The following ARHGAP45 variants were observed in gnomAD, a reference collection of about 807,000 sequenced individuals.
ARHGAP45 encodes Rho GTPase activating protein 45.
Under a neutral mutation model 116.1 loss-of-function variants are expected in ARHGAP45, and 56 were observed. The ratio of observed to expected loss-of-function variants is 0.48; its 90% CI spans 0.39 to 0.60. ARHGAP45 has a LOEUF of 0.60. Among genes scored for constraint, ARHGAP45 ranks in the 20% least tolerant of loss-of-function variants. ARHGAP45 has a pLI of 0.00. For missense variants in ARHGAP45, 1,622 were observed against 1,601.0 expected, an observed-to-expected ratio of 1.01 and a Z score of -0.22; for synonymous variants, 866 against 701.7, an observed-to-expected ratio of 1.23 and a Z score of -3.70.
rs1568493690 is a variant in ARHGAP45, at chr19:1,086,014, T to C, written c.*8T>C. ...CAGCCGGAATTCGTGTGAGCTGGGG[T>C]GGGGCTGGGACCACAGGTGGCTTCT... On this transcript the variant is annotated 3_prime_UTR_variant, in exon 23 of 23. Coordinates refer to ENST00000313093, the MANE Select transcript of ARHGAP45 (RefSeq NM_012292.5). The C allele has an allele frequency of 1.2e-6, 2 of 1,607,492 alleles. No homozygotes were observed. Among genetic ancestry groups the C allele is most frequent in the East Asian group, 2.2e-5 (1 of 44,804 alleles).
chr19:1,074,152 G>T lies in ARHGAP45; in HGVS notation c.839G>T (p.Gly280Val). 1 of 1,613,408 alleles carries T rather than the reference G, an allele frequency of 6.2e-7. No homozygotes were observed. Among genetic ancestry groups the T allele is most frequent in the South Asian group, 1.1e-5 (1 of 91,086 alleles). The change falls in exon 7 of 23, where the codon GGG becomes GTG. Residue 280 changes from glycine to valine, a missense_variant. Physicochemically the swap from Gly to Val is moderately radical, Grantham distance 109 (BLOSUM62 -3). Transcript: ENST00000313093. ...EVDVLLQRCE[G>V]GVDAALLYAK... ...GACGTGCTGCTACAGCGCTGTGAGG[G>T]GGGCGTGGATGCCGCACTGCTGTAT...
chr19:1,067,552 C>T (rs2043061246), intron 1 of ARHGAP45, 57 bp downstream of exon 1: 1 of 1,459,970 alleles, frequency 6.8e-7, no homozygotes, highest in East Asian at 2.4e-5. Flanking sequence ...GGGACAGGGA[C>T]CCGCCCTGTG....
chr19:1,079,438 A>C (rs1033885159), intron 11 of ARHGAP45, among the ~76,000 whole-genome samples: 3 of 146,214 alleles, frequency 2.1e-5, no homozygotes, highest in Non-Finnish European at 3.0e-5. Context: ...CGGTAGGTGG[A>C]GGTTGCAGTG....
At position 1,086,376 on chromosome 19, in the gene ARHGAP45, C is replaced by CCCTCT. The variant is rs988145763; in HGVS notation, c.*375_*379dup. The CCCTCT allele has an allele frequency of 8.6e-6, 2 of 232,716 alleles. No individual in the cohort carries two copies. The highest frequency in any genetic ancestry group is 4.6e-5 in the African/African-American group (2 of 43,816). The allele number at this position is 232,716 out of a possible 1,614,324, so 14.4% of individuals were successfully genotyped here. The stretch of plus-strand genomic sequence containing the variant: ...GACGCAGGAGGCAGGCCCTGCCCTG[C>CCCTCT]CCTCTCCTCACAGGTCTGTTGCAGG... On this transcript the variant is annotated 3_prime_UTR_variant, in exon 23 of 23. Coordinates refer to ENST00000313093, the MANE Select transcript of ARHGAP45 (RefSeq NM_012292.5).
chr19:1,077,283 G>C (rs183636669), intron 10 of ARHGAP45: 1 of 985,320 alleles, frequency 1.0e-6, no homozygotes, highest in East Asian at 1.1e-4. Flanking sequence ...TCTGTGCAGA[G>C]CTTGGCTGCA....
At chr19:1,078,234 C>G (rs1305150048) in intron 11 of ARHGAP45, among the ~76,000 whole-genome samples, 189 bp downstream of exon 11, 1 of 151,646 alleles carries the variant, frequency 6.6e-6, no homozygotes, top group Non-Finnish European at 1.5e-5. Context: ...AGCTCCGCCT[C>G]CCGGGTTCAC....
intron 11 of ARHGAP45, among the ~76,000 whole-genome samples, chr19:1,078,384 C>CAG (rs1283222808): frequency 7.2e-5 from 11 of 152,030 alleles, no homozygotes; most frequent in South Asian, 4.2e-4. Context: ...ACCTCGTGAT[C>CAG]CGTCCACCTC....
In ARHGAP45 at chr19:1,068,957, CTTTAT is replaced by C. The variant is rs67003381; in HGVS notation, c.421+217_421+221del. 0.44 allele frequency among the ~76,000 whole-genome samples: 66,633 copies of C among 151,200 alleles called. 14,907 individuals carry two copies. Among genetic ancestry groups the C allele is most frequent in the East Asian group, 0.54 (2,751 of 5,098 alleles). On this transcript the variant is annotated intron_variant, in intron 2 of 22. Coordinates refer to ENST00000313093, the MANE Select transcript of ARHGAP45 (RefSeq NM_012292.5). This position sits in a 1 kb window ranked among gnomAD's most constrained non-coding sequence, Gnocchi z 7.5. ...GTACACTGGCTCAAGAGGGTGCCCA[CTTTAT>C]TTTTTTTAAAGGATCTGATGGCAAT... is the stretch of plus-strand genomic sequence containing the variant.
At chr19:1,066,154 C>T (rs1001502160), upstream of ARHGAP45, 7 of 1,535,398 alleles carry the variant, frequency 4.6e-6, no homozygotes, top group Non-Finnish European at 6.1e-6. Flanking sequence ...ATCTGCCCCT[C>T]CCACCCGAGG....
intron 21 of ARHGAP45, 69 bp downstream of exon 21, chr19:1,083,422 G>T (rs2043506099): frequency 1.9e-5 from 26 of 1,355,626 alleles, no homozygotes; most frequent in Non-Finnish European, 4.1e-6. Context: ...GCTGGGGACA[G>T]TCGTTGTCGG....
chr19:1,069,802 G>C lies in ARHGAP45; in HGVS notation c.421+1058G>C, dbSNP rs1036065759. Among the ~76,000 whole-genome samples, 1 of 149,114 alleles carries C rather than the reference G, an allele frequency of 6.7e-6. No homozygotes were observed. Among genetic ancestry groups the C allele is most frequent in the African/African-American group, 2.5e-5 (1 of 40,352 alleles). Reference sequence around the variant, plus strand: ...CCTGCAGGAGGTCTGAACTGGGCCAGCCAGGGTGGGGCACTTTTTTTTTTT... The same window carrying C: ...CCTGCAGGAGGTCTGAACTGGGCCACCCAGGGTGGGGCACTTTTTTTTTTT... On this transcript the variant is annotated intron_variant, in intron 2 of 22. Coordinates refer to ENST00000313093, the MANE Select transcript of ARHGAP45 (RefSeq NM_012292.5). The surrounding 1 kb of genome is among the most constrained non-coding windows in gnomAD (Gnocchi z 4.1).
At position 1,074,130 on chromosome 19, in the gene ARHGAP45, G is replaced by C. The variant is rs779616743; in HGVS notation, c.817G>C (p.Val273Leu). 3.7e-6 allele frequency: 6 copies of C among 1,613,026 alleles called. No individual in the cohort carries two copies. The African/African-American group carries it at 8.0e-5, about 22-fold the overall frequency. The part of the protein sequence containing the change: ...AGCLPAEEVD[V>L]LLQRCEGGVD... The stretch of plus-strand genomic sequence containing the variant: ...CTGCCTGCCCGCCGAGGAGGTGGAC[G>C]TGCTGCTACAGCGCTGTGAGGGGGG... Residue 273 changes from valine to leucine, a missense_variant, in exon 7 of 23, where the codon GTG becomes CTG. Coordinates refer to ENST00000313093, the MANE Select transcript of ARHGAP45 (RefSeq NM_012292.5).
intron 21 of ARHGAP45, 148 bp downstream of exon 21, chr19:1,083,501 TTG>T (rs1470512331): frequency 3.7e-5 from 26 of 694,158 alleles, no homozygotes; most frequent in Non-Finnish European, 5.8e-5. Context: ...CACTGTCTTT[TTG>T]TGTCTTTTAT....
rs2043053626 is a variant in ARHGAP45, at chr19:1,067,273, G to A, written c.-133G>A. 4 of 1,397,030 alleles carry A rather than the reference G, an allele frequency of 2.9e-6. No individual in the cohort carries two copies. Among genetic ancestry groups the A allele is most frequent in the Non-Finnish European group, 3.7e-6 (4 of 1,077,652 alleles). 86.5% of individuals were successfully genotyped at this position (1,397,030 alleles called of 1,614,324 possible). A position where few individuals can be genotyped will look rare whatever the true frequency, so the allele number is the denominator to read the frequency against. ...GGGGGAGGGCCCGCCAGTGACGGCC[G>A]GGCCTGTCACGTGGGCCTGACAGCT... On this transcript the variant is annotated 5_prime_UTR_variant, in exon 1 of 23. Coordinates refer to ENST00000313093, the MANE Select transcript of ARHGAP45 (RefSeq NM_012292.5).
intron 10 of ARHGAP45, among the ~76,000 whole-genome samples, chr19:1,076,812 G>A (rs1057117312): frequency 2.6e-5 from 4 of 151,346 alleles, no homozygotes; most frequent in Non-Finnish European, 5.9e-5. Flanking sequence ...TTATATCTTT[G>A]GTAGAGATGG....
At chr19:1,066,117 G>A, upstream of ARHGAP45, 2 of 1,535,708 alleles carry the variant, frequency 1.3e-6, no homozygotes, top group Non-Finnish European at 8.7e-7. Flanking sequence ...GCAAGGGGCT[G>A]TGGCCTTCAT....
upstream of ARHGAP45, chr19:1,067,021 T>G: frequency 4.1e-6 from 1 of 246,480 alleles, no homozygotes. Context: ...GTCAGCGCCC[T>G]GCAGTCGGCC....
upstream of ARHGAP45, among the ~76,000 whole-genome samples, chr19:1,066,908 A>G (rs2043041611): frequency 6.6e-6 from 1 of 151,962 alleles, no homozygotes; most frequent in Non-Finnish European, 1.5e-5. Flanking sequence ...TCTGAGGGCG[A>G]GGCTCCAGGG....
In ARHGAP45 at chr19:1,085,955, C is replaced by A. The variant is rs140144151; in HGVS notation, c.3360C>A (p.Gly1120=). ...CACTGCCCCCCATGAGGCTCCGTGG[C>A]GGGCGGATGACACTGGGCTCCTGCA... ...QAPLPPMRLR[G]GRMTLGSCRE... Residue 1120 remains glycine, a synonymous_variant, in exon 23 of 23, where the codon GGC becomes GGA. Transcript: ENST00000313093. 1.5e-5 allele frequency: 24 copies of A among 1,612,752 alleles called. No individual in the cohort carries two copies. The highest frequency in any genetic ancestry group is 1.9e-5 in the Non-Finnish European group (23 of 1,179,912).
Sources: gnomAD v4.1 joint callset for allele counts (sites outside exome capture counted in the v4.1 genomes callset) on GRCh38, gnomAD v4.1.1 for gene constraint, Gnocchi (gnomAD v3.1) non-coding constraint, MANE v1.5 for transcripts, NCBI Gene and HGNC (gene_info 2026-07-23, HGNC 2026-07-21) for gene names.